The following GRIK3 variants were observed in gnomAD, a reference collection of about 807,000 sequenced individuals.
GRIK3 encodes glutamate receptor ionotropic, kainate 3.
A neutral mutation model predicts 102.5 loss-of-function variants in GRIK3; 29 were observed. The observed-to-expected ratio is 0.28, with a 90% CI of 0.21 to 0.39. The LOEUF is 0.39. GRIK3 is among the 10% of genes least tolerant of loss of function. The pLI, the probability that GRIK3 is intolerant of heterozygous loss-of-function variation, is 1.00. For missense variants in GRIK3, 908 were observed against 1,252.4 expected (o/e 0.73, Z 4.15); for synonymous variants, 511 against 504.9 (o/e 1.01, Z -0.16).
intron 15 of GRIK3, 128 bp downstream of exon 15, chr1:36,804,859 G>C (rs914592692): frequency 7.3e-6 from 9 of 1,232,300 alleles, no homozygotes; most frequent in Middle Eastern, 4.0e-4. Flanking sequence ...CTTGCTGGCC[G>C]ACTGGATGCA....
intron 10 of GRIK3, among the ~76,000 whole-genome samples, chr1:36,829,690 C>G (rs1352292993): frequency 6.6e-6 from 1 of 152,294 alleles, no homozygotes; most frequent in East Asian, 1.9e-4. Context: ...CTCCTGGCTT[C>G]TCCTCCTCCC....
intron 10 of GRIK3, among the ~76,000 whole-genome samples, chr1:36,829,829 G>A (rs561946650): frequency 6.6e-6 from 1 of 152,290 alleles, no homozygotes; most frequent in South Asian, 2.1e-4. Context: ...GTCTCCAGAT[G>A]CCCTGGTTGC....
At chr1:37,033,652 A>G (rs1417592040) in intron 1 of GRIK3, among the ~76,000 whole-genome samples, 37 of 152,204 alleles carry the variant, frequency 2.4e-4, no homozygotes, top group Non-Finnish European at 5.4e-4. Flanking sequence ...GCCCGATCGC[A>G]GAACTCGGTC....
intron 10 of GRIK3, among the ~76,000 whole-genome samples, chr1:36,836,495 A>T (rs1479194046): frequency 1.3e-5 from 2 of 152,252 alleles, no homozygotes; most frequent in African/African-American, 2.4e-5. Flanking sequence ...TCACACAGGG[A>T]AATTGGCACT....
chr1:36,974,973 A>C (rs1367076958), intron 1 of GRIK3, among the ~76,000 whole-genome samples: 1 of 152,182 alleles, frequency 6.6e-6, no homozygotes, highest in Non-Finnish European at 1.5e-5. Flanking sequence ...CAAGTAGGAC[A>C]GAAGTTACCA....
chr1:36,858,212 A>G (rs191215017), intron 7 of GRIK3, among the ~76,000 whole-genome samples: 2 of 152,328 alleles, frequency 1.3e-5, no homozygotes, highest in East Asian at 3.9e-4. Context: ...GACTCTGGCC[A>G]GGTCCTGGGT....
rs576584568 is a variant in GRIK3 at position 36,797,034 on chromosome 1, C to T, written c.*4817G>A. On this transcript the variant is annotated 3_prime_UTR_variant, in exon 16 of 16. Coordinates refer to ENST00000373091, the MANE Select transcript of GRIK3 (RefSeq NM_000831.4). ...ATTCCTGCCCCTCCCACAGGAGGCC[C>T]TGGCGGTGCAGGACTCACCTGGCAG... 2 of 152,276 alleles carry T rather than the reference C, an allele frequency of 1.3e-5. No homozygotes were observed. The highest frequency in any genetic ancestry group is 4.1e-4 in the South Asian group (2 of 4,822). 9.4% of individuals were successfully genotyped at this position (152,276 alleles called of 1,614,324 possible).
At chr1:36,906,503 A>G (rs1641286379) in intron 1 of GRIK3, among the ~76,000 whole-genome samples, 1 of 152,266 alleles carries the variant, frequency 6.6e-6, no homozygotes, top group Non-Finnish European at 1.5e-5. Context: ...ACTATTTAGA[A>G]AACAGCAAAT....
In GRIK3 at chr1:36,801,901, C is replaced by T. The variant is rs761141413; in HGVS notation, c.2710G>A (p.Gly904Ser). The change falls in exon 16 of 16, where the codon GGC becomes AGC. Residue 904 changes from glycine to serine, a missense_variant. Gly to Ser is a moderately conservative substitution (Grantham distance 56). Coordinates refer to ENST00000373091, the MANE Select transcript of GRIK3 (RefSeq NM_000831.4). ...MHTFNDRRLPGKDSMACSTSL... is the reference protein window; with the variant it reads ...MHTFNDRRLPSKDSMACSTSL... ...GTGCTGCAGGCCATGCTGTCCTTGC[C>T]GGGAAGCCGGCGGTCATTGAATGTG... The T allele has an allele frequency of 3.5e-5, 56 of 1,613,152 alleles. No individual in the cohort carries two copies. The highest frequency in any genetic ancestry group is 6.7e-5 in the East Asian group (3 of 44,894).
intron 5 of GRIK3, among the ~76,000 whole-genome samples, chr1:36,868,061 G>C (rs1640804919): frequency 6.6e-6 from 1 of 152,164 alleles, no homozygotes; most frequent in South Asian, 2.1e-4. Context: ...AGGTCTTAAA[G>C]AGAGGATCCT....
chr1:36,804,861 C>A (rs2124176111), intron 15 of GRIK3, 126 bp downstream of exon 15: 1 of 1,254,714 alleles, frequency 8.0e-7, no homozygotes, highest in Admixed American at 2.2e-5. Context: ...TGCTGGCCGA[C>A]TGGATGCAGG....
intron 1 of GRIK3, among the ~76,000 whole-genome samples, chr1:36,906,115 G>A (rs1485605194): frequency 6.6e-6 from 1 of 152,124 alleles, no homozygotes; most frequent in East Asian, 1.9e-4. Flanking sequence ...CTGGGCCCTG[G>A]GATACCAAAA....
intron 1 of GRIK3, among the ~76,000 whole-genome samples, chr1:36,971,122 C>T (rs1450667798): frequency 6.6e-6 from 1 of 152,216 alleles, no homozygotes; most frequent in African/African-American, 2.4e-5. Flanking sequence ...TGTGGCCCTT[C>T]CCTTGGAGAA....
chr1:36,882,185 C>G (rs1640988436), intron 2 of GRIK3, among the ~76,000 whole-genome samples: 2 of 152,206 alleles, frequency 1.3e-5, no homozygotes, highest in Admixed American at 1.3e-4. Flanking sequence ...AGAGGCAGGG[C>G]CTTGATCTAT....
At chr1:36,986,340 C>T (rs1642303940) in intron 1 of GRIK3, among the ~76,000 whole-genome samples, 1 of 150,292 alleles carries the variant, frequency 6.7e-6, no homozygotes, top group African/African-American at 2.5e-5. Flanking sequence ...TCTGTCCGCC[C>T]ATCCATCCAT....
intron 1 of GRIK3, among the ~76,000 whole-genome samples, chr1:36,931,183 A>T (rs551108590): frequency 1.3e-5 from 2 of 152,310 alleles, no homozygotes; most frequent in South Asian, 4.1e-4. Flanking sequence ...TCAAACTACT[A>T]TGGGAGACCT....
intron 1 of GRIK3, among the ~76,000 whole-genome samples, chr1:36,998,141 T>G (rs1642439443): frequency 6.6e-6 from 1 of 152,122 alleles, no homozygotes. Flanking sequence ...CTAGTCCAAG[T>G]CTCTGACTGG....
chr1:36,946,314 T>C (rs1641784393), intron 1 of GRIK3, among the ~76,000 whole-genome samples: 1 of 152,198 alleles, frequency 6.6e-6, no homozygotes, highest in African/African-American at 2.4e-5. Flanking sequence ...CAGTGCAGAC[T>C]GGGGTCCTGG....
chr1:36,819,821 G>A lies in GRIK3; in HGVS notation c.1788C>T (p.Pro596=). 1 of 1,596,658 alleles carries A rather than the reference G, an allele frequency of 6.3e-7. No individual in the cohort carries two copies. The highest frequency in any genetic ancestry group is 1.3e-5 in the African/African-American group (1 of 74,818). ...CCACCACCTCGGAGCCAGGGTTGCAGGGGTGAGCATCGTACCACTCATAAG... is the reference window on the plus strand; with the variant it reads ...CCACCACCTCGGAGCCAGGGTTGCAAGGGTGAGCATCGTACCACTCATAAG... ...FSPYEWYDAH[P]CNPGSEVVEN... is the part of the protein sequence containing the mutation. The change falls in exon 12 of 16, where the codon CCC becomes CCT. Residue 596 remains proline, a synonymous_variant. Coordinates refer to ENST00000373091, the MANE Select transcript of GRIK3 (RefSeq NM_000831.4). The surrounding 1 kb of genome is among the most constrained non-coding windows in gnomAD (Gnocchi z 4.1).
Sources: allele counts gnomAD v4.1 joint callset (sites outside exome capture counted in the v4.1 genomes callset), GRCh38; gene constraint gnomAD v4.1.1; non-coding constraint Gnocchi (gnomAD v3.1); transcripts MANE v1.5; gene names NCBI Gene and HGNC (gene_info 2026-07-23, HGNC 2026-07-21).